The following COMMD7 variants were observed in gnomAD, a reference collection of about 807,000 sequenced individuals.
The protein encoded by COMMD7 is COMM domain containing 7, also known as COMM domain-containing protein 7.
COMMD7 carries 28 observed loss-of-function variants against 34.8 expected under a neutral mutation model. That is an observed-to-expected ratio of 0.80 (90% CI 0.60 to 1.10). The LOEUF is 1.10. COMMD7 is among the 50% of genes least tolerant of loss of function. The pLI is 0.00. For synonymous variants in COMMD7, 80 were observed against 86.4 expected, an observed-to-expected ratio of 0.93 and a Z score of 0.41; for missense variants, 211 against 241.6, an observed-to-expected ratio of 0.87 and a Z score of 0.84.
chr20:32,715,039 A>C lies in COMMD7; in HGVS notation c.242-8279T>G, dbSNP rs536750483. 2.0e-5 allele frequency among the ~76,000 whole-genome samples: 3 copies of C among 150,612 alleles called. No individual in the cohort carries two copies. The East Asian group carries it at 5.8e-4, about 29-fold the overall frequency. ...AAATAAAAATAAAAATAAATAAATA[A>C]ATAAATAAATAAATGAAATAAAAAT... On this transcript the variant is annotated intron_variant, in intron 3 of 8. Coordinates refer to ENST00000278980, the MANE Select transcript of COMMD7 (RefSeq NM_053041.3).
chr20:32,703,255 GC>G lies in COMMD7; in HGVS notation c.*126del. 1.3e-6 allele frequency: 1 copy of G among 762,584 alleles called. No individual in the cohort carries two copies. The highest frequency in any genetic ancestry group is 2.6e-5 in the East Asian group (1 of 38,534). The allele number at this position is 762,584 out of a possible 1,614,324, so 47.2% of individuals were successfully genotyped here. A position where few individuals can be genotyped will look rare whatever the true frequency, so the allele number is the denominator to read the frequency against. On this transcript the variant is annotated 3_prime_UTR_variant, in exon 9 of 9. Coordinates refer to ENST00000278980, the MANE Select transcript of COMMD7 (RefSeq NM_053041.3). ...TTTTTCAGAAACCCTTTGCACCTGG[GC>G]CCCATGGAGCCAGCAGGGCCCCATG...
intron 1 of COMMD7, among the ~76,000 whole-genome samples, chr20:32,733,798 T>TGG (rs1430185421): frequency 4.0e-5 from 6 of 150,428 alleles, no homozygotes; most frequent in African/African-American, 4.9e-5. Flanking sequence ...GGCAGGAGAA[T>TGG]TGCTTGAACC....
At chr20:32,718,730 G>A (rs1248689318) in intron 3 of COMMD7, among the ~76,000 whole-genome samples, 2 of 149,282 alleles carry the variant, frequency 1.3e-5, no homozygotes, top group Admixed American at 6.7e-5. Context: ...AAAATAAAAT[G>A]CCAAAAAAGA....
Position 32,703,287 on chromosome 20 carries a change from T to C in COMMD7, c.*95A>G, listed in dbSNP as rs562333995. 7 of 1,129,478 alleles carry C rather than the reference T, an allele frequency of 6.2e-6. No individual in the cohort carries two copies. The East Asian group carries it at 1.7e-4, about 27-fold the overall frequency. 70.0% of individuals were successfully genotyped at this position (1,129,478 alleles called of 1,614,324 possible). A position where few individuals can be genotyped will look rare whatever the true frequency, so the allele number is the denominator to read the frequency against. On this transcript the variant is annotated 3_prime_UTR_variant, in exon 9 of 9. Transcript: ENST00000278980. ...GGAGCCAGCAGGGCCCCATGGAGCA[T>C]CCCACAGGCCTGTGAGTGAAGTGCC...
Position 32,723,002 on chromosome 20 carries a change from GAGCA to G in COMMD7, c.241+4887_241+4890del, listed in dbSNP as rs1985265867. Among the ~76,000 whole-genome samples, 3 of 149,880 alleles carry G rather than the reference GAGCA, an allele frequency of 2.0e-5. No homozygotes were observed. The South Asian group carries it at 6.3e-4, about 32-fold the overall frequency. On this transcript the variant is annotated intron_variant, in intron 3 of 8. Coordinates refer to ENST00000278980, the MANE Select transcript of COMMD7 (RefSeq NM_053041.3). The stretch of plus-strand genomic sequence containing the variant: ...CCACTGCACTCCAGCCTGGGTGACA[GAGCA>G]AGACTCCATCTCAAAAATAAATAAA...
chr20:32,742,452 G>A (rs1010609259), intron 1 of COMMD7: 3 of 152,048 alleles, frequency 2.0e-5, no homozygotes, highest in Non-Finnish European at 4.4e-5. Flanking sequence ...TCTTCCCAGT[G>A]GGGGTGAGAA....
At chr20:32,721,331 C>T (rs1046271759) in intron 3 of COMMD7, among the ~76,000 whole-genome samples, 10 of 152,208 alleles carry the variant, frequency 6.6e-5, no homozygotes, top group African/African-American at 1.7e-4. Flanking sequence ...AATAATAGGC[C>T]GGGCACAGTG....
At chr20:32,740,272 A>G (rs6087417) in intron 1 of COMMD7, among the ~76,000 whole-genome samples, 17,222 of 136,236 alleles carry the variant, frequency 0.13, 1,240 homozygotes, top group East Asian at 0.31. Context: ...AGCCGAGATC[A>G]CGCCACTGCA....
intron 3 of COMMD7, among the ~76,000 whole-genome samples, chr20:32,716,580 A>C (rs1441459991): frequency 6.6e-6 from 1 of 152,138 alleles, no homozygotes; most frequent in Admixed American, 6.6e-5. Context: ...GTGCCACTGC[A>C]CTCCAGCCTG....
At chr20:32,734,979 T>TGTAA (rs981923571) in intron 1 of COMMD7, among the ~76,000 whole-genome samples, 10 of 152,060 alleles carry the variant, frequency 6.6e-5, no homozygotes, top group African/African-American at 2.4e-4. Context: ...GGCTCATGCC[T>TGTAA]GTAATCCTAG....
At chr20:32,721,394 G>C (rs1326997687) in intron 3 of COMMD7, among the ~76,000 whole-genome samples, 2 of 152,154 alleles carry the variant, frequency 1.3e-5, no homozygotes, top group Non-Finnish European at 2.9e-5. Context: ...CGGATCACCT[G>C]AGGTCAGGAG....
chr20:32,738,513 G>A (rs1986264647), intron 1 of COMMD7, among the ~76,000 whole-genome samples: 1 of 152,078 alleles, frequency 6.6e-6, no homozygotes, highest in South Asian at 2.1e-4. Context: ...CTTGAACCTA[G>A]GAGGCGGAGG....
intron 3 of COMMD7, among the ~76,000 whole-genome samples, chr20:32,719,127 C>T (rs1431875713): frequency 3.9e-5 from 6 of 152,166 alleles, no homozygotes; most frequent in Non-Finnish European, 7.3e-5. Flanking sequence ...GCCTTGAATG[C>T]CAAACTGAGG....
At chr20:32,711,613 G>A (rs1218082897) in intron 3 of COMMD7, among the ~76,000 whole-genome samples, 1 of 152,032 alleles carries the variant, frequency 6.6e-6, no homozygotes, top group East Asian at 1.9e-4. Flanking sequence ...AAAGCTGCAG[G>A]GATGGAAGAG....
intron 3 of COMMD7, among the ~76,000 whole-genome samples, chr20:32,725,523 G>C (rs1985458041): frequency 6.8e-6 from 1 of 147,640 alleles, no homozygotes; most frequent in Non-Finnish European, 1.5e-5. Flanking sequence ...CCGCCTCCCG[G>C]GATCACGCCA....
At chr20:32,719,788 G>A (rs550040681) in intron 3 of COMMD7, among the ~76,000 whole-genome samples, 1 of 152,210 alleles carries the variant, frequency 6.6e-6, no homozygotes, top group African/African-American at 2.4e-5. Flanking sequence ...AACACTAGCA[G>A]CTCTATCAAT....
intron 3 of COMMD7, among the ~76,000 whole-genome samples, chr20:32,722,915 G>A (rs1461928861): frequency 5.3e-5 from 8 of 150,772 alleles, no homozygotes; most frequent in Non-Finnish European, 1.0e-4. Flanking sequence ...CCAGCTACTC[G>A]GGAGGCTGAG....
At chr20:32,736,444 G>A (rs559342290) in intron 1 of COMMD7, among the ~76,000 whole-genome samples, 25 of 152,204 alleles carry the variant, frequency 1.6e-4, no homozygotes, top group African/African-American at 6.0e-4. Flanking sequence ...GCTGAGGCCG[G>A]CGGATCACAA....
At chr20:32,741,815 T>C (rs1266022078) in intron 1 of COMMD7, among the ~76,000 whole-genome samples, 3 of 152,222 alleles carry the variant, frequency 2.0e-5, no homozygotes, top group Non-Finnish European at 4.4e-5. Flanking sequence ...TATAGGTTTG[T>C]AGCCTAGGAG....
Sources: allele counts gnomAD v4.1 joint callset (sites outside exome capture counted in the v4.1 genomes callset), GRCh38; gene constraint gnomAD v4.1.1; transcripts MANE v1.5; gene names NCBI Gene and HGNC (gene_info 2026-07-23, HGNC 2026-07-21).